The following IDO2 variants were observed in gnomAD, a reference collection of about 807,000 sequenced individuals.
The protein encoded by IDO2 is indoleamine 2,3-dioxygenase-like 1 protein.
A neutral mutation model predicts 45.1 loss-of-function variants in IDO2; 46 were observed. The observed-to-expected ratio is 1.02, with a 90% CI of 0.80 to 1.30. The LOEUF (loss-of-function observed/expected upper bound fraction) is 1.30. IDO2 is among the 50% of genes most tolerant of loss of function. The pLI is 0.00. For missense variants in IDO2, 544 were observed against 491.8 expected, an observed-to-expected ratio of 1.11 and a Z score of -1.00; for synonymous variants, 218 against 184.9, an observed-to-expected ratio of 1.18 and a Z score of -1.45.
At chr8:39,972,643 T>G (rs1381596451) in intron 3 of IDO2, among the ~76,000 whole-genome samples, 1 of 134,996 alleles carries the variant, frequency 7.4e-6, no homozygotes, top group African/African-American at 2.8e-5. Flanking sequence ...AAAGTTCTAC[T>G]GGGGAAAAAA....
chr8:40,004,312 G>A (rs912089730), intron 8 of IDO2, among the ~76,000 whole-genome samples: 1 of 152,132 alleles, frequency 6.6e-6, no homozygotes, highest in African/African-American at 2.4e-5. Context: ...AGAAGAAATA[G>A]GATCAAAGAC....
exon 1 of IDO2, chr8:39,934,793 C>A: frequency 3.3e-6 from 1 of 298,980 alleles, no homozygotes; most frequent in South Asian, 3.2e-5. Flanking sequence ...GGAGTGGCAG[C>A]CAGAGAACTG....
At chr8:40,004,962 G>A (rs1380750715) in intron 8 of IDO2, among the ~76,000 whole-genome samples, 1 of 152,138 alleles carries the variant, frequency 6.6e-6, no homozygotes, top group Non-Finnish European at 1.5e-5. Flanking sequence ...TGAAAACCTT[G>A]AGAGAGGTAA....
At chr8:40,008,948 GA>G (rs549269413) in intron 9 of IDO2, among the ~76,000 whole-genome samples, 3 of 152,070 alleles carry the variant, frequency 2.0e-5, no homozygotes, top group Non-Finnish European at 4.4e-5. Context: ...GCATTGTCTA[GA>G]AAAATGTAAA....
At chr8:40,008,840 A>G (rs1585421833) in intron 9 of IDO2, among the ~76,000 whole-genome samples, 1 of 152,168 alleles carries the variant, frequency 6.6e-6, no homozygotes, top group Admixed American at 6.5e-5. Flanking sequence ...CTTACCCTCA[A>G]AATATTTCCC....
Position 39,935,197 on chromosome 8 carries a change from A to G in IDO2, c.-39A>G. 6.2e-7 allele frequency: 1 copy of G among 1,613,594 alleles called. No homozygotes were observed. The highest frequency in any genetic ancestry group is 8.5e-7 in the Non-Finnish European group (1 of 1,179,556). ...CTTCACCCACCAGGCCACCACAAGA[A>G]TGTTGCATTTTCATTATTATGGTAA... On this transcript the variant is annotated 5_prime_UTR_variant, in exon 1 of 11. It removes an upstream start codon present in the reference 5' UTR. Transcript: ENST00000502986.
intron 3 of IDO2, among the ~76,000 whole-genome samples, chr8:39,974,899 G>A (rs1320349269): frequency 1.3e-5 from 2 of 151,354 alleles, no homozygotes; most frequent in Non-Finnish European, 2.9e-5. Context: ...CCAGCCTGGT[G>A]ACCTGGTGAC....
At chr8:39,947,542 C>A (rs1487374825) in intron 1 of IDO2, among the ~76,000 whole-genome samples, 2 of 152,148 alleles carry the variant, frequency 1.3e-5, no homozygotes, top group African/African-American at 4.8e-5. Context: ...CTTTGTTCTC[C>A]TCTACCTGTG....
intron 3 of IDO2, among the ~76,000 whole-genome samples, chr8:39,968,078 C>CAAAAAAAAAA (rs35600937): frequency 7.2e-6 from 1 of 139,222 alleles, no homozygotes; most frequent in African/African-American, 2.6e-5. Flanking sequence ...TCATAATCAC[C>CAAAAAAAAAA]AAAAAAAAAA....
chr8:39,991,128 T>C (rs1326213840), intron 8 of IDO2, among the ~76,000 whole-genome samples: 4 of 152,178 alleles, frequency 2.6e-5, no homozygotes, highest in Non-Finnish European at 5.9e-5. Context: ...AAAGTAAATA[T>C]AATTTGTCAT....
chr8:40,014,159 C>T (rs949391241), intron 10 of IDO2, among the ~76,000 whole-genome samples: 4 of 152,154 alleles, frequency 2.6e-5, no homozygotes, highest in Admixed American at 2.6e-4. Flanking sequence ...ACCCTGGAAG[C>T]TTGAAATTGT....
At chr8:39,973,123 CTG>C (rs1808204923) in intron 3 of IDO2, among the ~76,000 whole-genome samples, 1 of 152,080 alleles carries the variant, frequency 6.6e-6, no homozygotes, top group African/African-American at 2.4e-5. Flanking sequence ...TGATGTTTCA[CTG>C]TGAGTGAGGG....
chr8:40,014,885 A>G (rs553520644), intron 10 of IDO2, among the ~76,000 whole-genome samples: 1 of 152,310 alleles, frequency 6.6e-6, no homozygotes, highest in Admixed American at 6.5e-5. Flanking sequence ...ACCGTGGGTC[A>G]TGCCTGTAAT....
chr8:39,970,398 T>C (rs1226072503), intron 3 of IDO2, among the ~76,000 whole-genome samples: 2 of 152,226 alleles, frequency 1.3e-5, no homozygotes, highest in African/African-American at 4.8e-5. Context: ...TATTTATTAA[T>C]TTATTTATTT....
chr8:39,961,958 G>A lies in IDO2; in HGVS notation c.100-1650G>A, dbSNP rs554180131. Among the ~76,000 whole-genome samples, 6 of 152,256 alleles carry A rather than the reference G, an allele frequency of 3.9e-5. No homozygotes were observed. The South Asian group carries it at 1.2e-3, about 32-fold the overall frequency. Reference sequence around the variant, plus strand: ...GAGATTGGTGAACTTTTTCTGAAGGGCCAAATACTAACTGCTTTAAGCTTG... The same window carrying A: ...GAGATTGGTGAACTTTTTCTGAAGGACCAAATACTAACTGCTTTAAGCTTG... On this transcript the variant is annotated intron_variant, in intron 2 of 10. Coordinates refer to ENST00000502986, the Ensembl canonical transcript of IDO2.
rs538486775 is a variant in IDO2, at chr8:39,989,852, G to A, written c.667+14G>A. On this transcript the variant is annotated intron_variant, in intron 8 of 10. Coordinates refer to ENST00000502986, the Ensembl canonical transcript of IDO2. Reference sequence around the variant, plus strand: ...GACAGATGCATGGTAAGATGCTTCCGAAGCTCCTGAAGGATCCCCCAGGGG... The same window carrying A: ...GACAGATGCATGGTAAGATGCTTCCAAAGCTCCTGAAGGATCCCCCAGGGG... The A allele has an allele frequency of 5.9e-5, 91 of 1,534,810 alleles. No homozygotes were observed. The highest frequency in any genetic ancestry group is 5.6e-4 in the South Asian group (47 of 83,828).
At chr8:39,955,927 C>T (rs1807884824) in intron 2 of IDO2, among the ~76,000 whole-genome samples, 1 of 152,116 alleles carries the variant, frequency 6.6e-6, no homozygotes, top group South Asian at 2.1e-4. Flanking sequence ...TTGTTGAACT[C>T]AATTTTGTGA....
At chr8:39,944,831 A>C (rs766752570) in intron 1 of IDO2, among the ~76,000 whole-genome samples, 1 of 152,208 alleles carries the variant, frequency 6.6e-6, no homozygotes, top group South Asian at 2.1e-4. Context: ...ATTTTGAGCG[A>C]TAGCCGTCTC....
At chr8:39,946,419 T>G (rs866320405) in intron 1 of IDO2, among the ~76,000 whole-genome samples, 18 of 152,110 alleles carry the variant, frequency 1.2e-4, no homozygotes, top group Middle Eastern at 3.4e-3. Flanking sequence ...ACCATCTGGC[T>G]AACATGGTAA....
Sources: gnomAD v4.1 joint callset for allele counts (sites outside exome capture counted in the v4.1 genomes callset) on GRCh38, gnomAD v4.1.1 for gene constraint, MANE v1.5 for transcripts, NCBI Gene and HGNC (gene_info 2026-07-23, HGNC 2026-07-21) for gene names.